MAST4: variants seen among roughly 807,000 people sequenced by gnomAD.
MAST4 encodes the protein microtubule associated serine/threonine kinase family member 4, also known as microtubule-associated serine/threonine-protein kinase 4.
MAST4 carries 89 observed loss-of-function variants against 162.7 expected under a neutral mutation model. The observed-to-expected ratio is 0.55, with a 90% CI of 0.46 to 0.65. The LOEUF (loss-of-function observed/expected upper bound fraction) is 0.65, where lower values mean the gene tolerates loss of function less well. Among genes scored for constraint, MAST4 ranks in the 30% least tolerant of loss-of-function variants. MAST4 has a pLI of 0.00. For synonymous variants in MAST4, 1,479 were observed against 1,361.1 expected, an observed-to-expected ratio of 1.09 and a Z score of -1.91; for missense variants, 3,153 against 3,374.0, an observed-to-expected ratio of 0.93 and a Z score of 1.62.
intron 4 of MAST4, chr5:66,931,024 A>G (rs770984252): frequency 1.1e-5 from 2 of 188,188 alleles, no homozygotes; most frequent in South Asian, 9.6e-5. Context: ...ACCCTCAGAG[A>G]TGAAGATTTT....
chr5:66,794,965 CA>C (rs930473469), intron 3 of MAST4, among the ~76,000 whole-genome samples: 1 of 152,120 alleles, frequency 6.6e-6, no homozygotes, highest in African/African-American at 2.4e-5. Flanking sequence ...TAAATGTATG[CA>C]AAAGTGTATT....
chr5:66,678,719 T>G (rs1013627687), intron 1 of MAST4, among the ~76,000 whole-genome samples: 1 of 152,044 alleles, frequency 6.6e-6, no homozygotes. Flanking sequence ...GGTCTCCATC[T>G]CTTGATCTCG....
chr5:67,059,382 T>G (rs1277158991), intron 5 of MAST4, among the ~76,000 whole-genome samples: 1 of 152,172 alleles, frequency 6.6e-6, no homozygotes, highest in Non-Finnish European at 1.5e-5. Flanking sequence ...GCTAAAAAAA[T>G]CTCTTCATAG....
chr5:66,758,959 A>G (rs1185357492), intron 1 of MAST4, among the ~76,000 whole-genome samples: 1 of 152,184 alleles, frequency 6.6e-6, no homozygotes, highest in East Asian at 1.9e-4. Context: ...AACATTTTAG[A>G]TGGTATGGCT....
intron 1 of MAST4, among the ~76,000 whole-genome samples, chr5:66,605,132 T>C (rs750869707): frequency 6.6e-6 from 1 of 152,214 alleles, no homozygotes; most frequent in Non-Finnish European, 1.5e-5. Context: ...TCACAAAATT[T>C]GCTTTTTACT....
chr5:67,055,274 T>A (rs1314592992), intron 5 of MAST4, among the ~76,000 whole-genome samples: 2 of 152,120 alleles, frequency 1.3e-5, no homozygotes, highest in African/African-American at 4.8e-5. Flanking sequence ...AAGTTTGACT[T>A]TGAAGCCCTT....
At position 66,673,523 on chromosome 5, in the gene MAST4, G is replaced by GTTTTTTTTTTTTTTTTT. The variant is rs1208217801; in HGVS notation, c.363+76511_363+76512insTTTTTTTTTTTTTTTTT. On this transcript the variant is annotated intron_variant, in intron 1 of 28. Coordinates refer to ENST00000403625, the MANE Select transcript of MAST4 (RefSeq NM_001164664.2). ...AATACGCTAGTTTTTTTTGTTTTTTGTTTTTTGTTTTTTTTTTTTTTGAGA... is the reference window on the plus strand; with the variant it reads ...AATACGCTAGTTTTTTTTGTTTTTTGTTTTTTTTTTTTTTTTTTTTTTTGTTTTTTTTTTTTTTGAGA... 2.0e-4 allele frequency among the ~76,000 whole-genome samples: 26 copies of GTTTTTTTTTTTTTTTTT among 131,306 alleles called. 1 individual carries two copies. Among genetic ancestry groups the GTTTTTTTTTTTTTTTTT allele is most frequent in the Admixed American group, 3.5e-4 (4 of 11,414 alleles). 86.1% of individuals were successfully genotyped at this position (131,306 alleles called of 152,430 possible).
At chr5:67,065,972 G>C (rs1760181074) in intron 5 of MAST4, among the ~76,000 whole-genome samples, 1 of 152,240 alleles carries the variant, frequency 6.6e-6, no homozygotes, top group South Asian at 2.1e-4. Flanking sequence ...TCAAGCCTGG[G>C]GAGGAGGAGC....
At chr5:66,704,406 T>C in intron 1 of MAST4, among the ~76,000 whole-genome samples, 1 of 152,152 alleles carries the variant, frequency 6.6e-6, no homozygotes, top group Non-Finnish European at 1.5e-5. Flanking sequence ...GGCTAGACTT[T>C]GTTGACCTGA....
intron 3 of MAST4, among the ~76,000 whole-genome samples, chr5:66,872,486 C>A (rs1561401345): frequency 6.6e-6 from 1 of 152,196 alleles, no homozygotes; most frequent in East Asian, 1.9e-4. Context: ...TAATTTTAAT[C>A]CATAAATATA....
intron 19 of MAST4, among the ~76,000 whole-genome samples, chr5:67,140,489 G>GACC (rs1770241803): frequency 6.6e-6 from 1 of 152,204 alleles, no homozygotes; most frequent in Non-Finnish European, 1.5e-5. Flanking sequence ...AGTATTGGCA[G>GACC]TTCTGAATCT....
intron 3 of MAST4, among the ~76,000 whole-genome samples, chr5:66,851,795 T>G (rs1237589680): frequency 6.6e-6 from 1 of 152,228 alleles, no homozygotes; most frequent in East Asian, 1.9e-4. Flanking sequence ...ATAATTCTTT[T>G]TGGGAACATT....
At chr5:67,020,711 G>A (rs530810389) in intron 4 of MAST4, among the ~76,000 whole-genome samples, 18 of 152,320 alleles carry the variant, frequency 1.2e-4, no homozygotes, top group Non-Finnish European at 2.1e-4. Flanking sequence ...ACCTTGGCAG[G>A]CCATCTCACC....
chr5:66,931,770 A>G (rs1051620439), intron 4 of MAST4, among the ~76,000 whole-genome samples: 2 of 152,146 alleles, frequency 1.3e-5, no homozygotes, highest in Non-Finnish European at 2.9e-5. Flanking sequence ...TGTATTAAAA[A>G]AAAAGAGGAA....
At chr5:67,004,448 A>T (rs1189638669) in intron 4 of MAST4, among the ~76,000 whole-genome samples, 1 of 152,228 alleles carries the variant, frequency 6.6e-6, no homozygotes, top group African/African-American at 2.4e-5. Flanking sequence ...GGAGGGCAAG[A>T]GCAGCTTTTT....
intron 3 of MAST4, among the ~76,000 whole-genome samples, chr5:66,832,412 G>A (rs977484805): frequency 2.0e-5 from 3 of 151,730 alleles, no homozygotes; most frequent in Admixed American, 6.6e-5. Flanking sequence ...TTCTAAACCC[G>A]ACTGCACACC....
At chr5:67,142,713 G>A in intron 21 of MAST4, 180 bp downstream of exon 21, 1 of 525,534 alleles carries the variant, frequency 1.9e-6, no homozygotes, top group Non-Finnish European at 3.4e-6. Context: ...CTATCCCCTA[G>A]GCCTTTAGAC....
intron 1 of MAST4, among the ~76,000 whole-genome samples, chr5:66,665,409 A>G (rs1230811241): frequency 1.3e-5 from 2 of 152,226 alleles, no homozygotes; most frequent in African/African-American, 2.4e-5. Context: ...CCAAATCCCT[A>G]TTTGCCTTTA....
intron 3 of MAST4, among the ~76,000 whole-genome samples, chr5:66,801,394 C>T (rs1362341895): frequency 1.3e-5 from 2 of 152,032 alleles, no homozygotes; most frequent in Admixed American, 6.6e-5. Flanking sequence ...GTGTGTTAGC[C>T]ATCAGTACTG....
Sources: allele counts gnomAD v4.1 joint callset (sites outside exome capture counted in the v4.1 genomes callset), GRCh38; gene constraint gnomAD v4.1.1; transcripts MANE v1.5; gene names NCBI Gene and HGNC (gene_info 2026-07-23, HGNC 2026-07-21).